Variants in POLQ observed in about 807,000 individuals in gnomAD.
POLQ encodes the protein DNA polymerase theta.
POLQ carries 233 observed loss-of-function variants against 259.2 expected under a neutral mutation model. The ratio of observed to expected loss-of-function variants is 0.90; its 90% CI spans 0.81 to 1.00. The LOEUF (loss-of-function observed/expected upper bound fraction) is 1.00, where lower values mean the gene tolerates loss of function less well. Among genes scored for constraint, POLQ ranks in the 50% least tolerant of loss-of-function variants. The pLI is 0.00. For missense variants in POLQ, 2,871 were observed against 3,051.6 expected, an observed-to-expected ratio of 0.94 and a Z score of 1.39; for synonymous variants, 1,025 against 1,048.8, an observed-to-expected ratio of 0.98 and a Z score of 0.44.
intron 6 of POLQ, among the ~76,000 whole-genome samples, chr3:121,530,512 C>T (rs2048403649): frequency 6.6e-6 from 1 of 151,930 alleles, no homozygotes; most frequent in Admixed American, 6.6e-5. Flanking sequence ...TAATATATAC[C>T]ATTAAAAGAG....
chr3:121,466,567 G>A (rs2047838558), intron 24 of POLQ, among the ~76,000 whole-genome samples: 1 of 151,710 alleles, frequency 6.6e-6, no homozygotes, highest in Admixed American at 6.6e-5. Context: ...GCCCATGCTT[G>A]TAATCCCAGC....
chr3:121,444,038 T>G (rs1020415575), intron 26 of POLQ, among the ~76,000 whole-genome samples: 8 of 152,190 alleles, frequency 5.3e-5, no homozygotes, highest in Non-Finnish European at 1.2e-4. Context: ...AGTTTTGTTC[T>G]TTTTGCACAG....
At position 121,451,831 on chromosome 3, in the gene POLQ, T is replaced by C. The variant is rs912585689; in HGVS notation, c.7153-2405A>G. Among the ~76,000 whole-genome samples, 10 of 152,342 alleles carry C rather than the reference T, an allele frequency of 6.6e-5. 1 individual carries two copies. Among genetic ancestry groups the C allele is most frequent in the Admixed American group, 1.3e-4 (2 of 15,302 alleles). On this transcript the variant is annotated intron_variant, in intron 25 of 29. Transcript: ENST00000264233. ...CTTCAAAGCTGTCCGATGGGACATT[T>C]AAGTCTGCAGAGGTTTCTGCTGCCT... is the stretch of plus-strand genomic sequence containing the variant.
chr3:121,514,337 A>G (rs1298016578), intron 9 of POLQ, among the ~76,000 whole-genome samples: 1 of 151,172 alleles, frequency 6.6e-6, no homozygotes, highest in Admixed American at 6.6e-5. Flanking sequence ...TATTAAAAAA[A>G]AAAACAACAA....
At chr3:121,486,446 C>T (rs1052488363) in intron 16 of POLQ, among the ~76,000 whole-genome samples, 4 of 152,034 alleles carry the variant, frequency 2.6e-5, no homozygotes, top group African/African-American at 9.7e-5. Context: ...CCCAGCTACT[C>T]AGGAGGCTGA....
At chr3:121,436,659 T>C (rs775701179) in intron 27 of POLQ, among the ~76,000 whole-genome samples, 1 of 152,082 alleles carries the variant, frequency 6.6e-6, no homozygotes, top group Non-Finnish European at 1.5e-5. Context: ...TAGAATATCA[T>C]TCTTTGGGAG....
At chr3:121,494,323 G>C (rs2048096628) in intron 14 of POLQ, 2 of 1,598,110 alleles carry the variant, frequency 1.3e-6, no homozygotes, top group South Asian at 2.2e-5. Context: ...TCCTCTATAA[G>C]CGGCTGAAAG....
chr3:121,440,219 C>T, intron 26 of POLQ, 103 bp from the exon 27 acceptor site: 2 of 788,570 alleles, frequency 2.5e-6, no homozygotes, highest in South Asian at 1.8e-5. Context: ...CACGATGATT[C>T]TTAACATTAA....
At chr3:121,512,618 A>G (rs1385419306) in intron 9 of POLQ, among the ~76,000 whole-genome samples, 3 of 152,204 alleles carry the variant, frequency 2.0e-5, no homozygotes, top group African/African-American at 7.2e-5. Context: ...CCTTTTCTAT[A>G]AAGGCTTCCA....
intron 25 of POLQ, among the ~76,000 whole-genome samples, chr3:121,455,475 T>C (rs1364053323): frequency 1.1e-3 from 159 of 147,970 alleles, no homozygotes; most frequent in African/African-American, 3.9e-3. Flanking sequence ...ACAAAATTGA[T>C]AGACTGCTAG....
chr3:121,541,306 A>G, intron 3 of POLQ, 43 bp downstream of exon 3: 1 of 1,484,276 alleles, frequency 6.7e-7, no homozygotes, highest in Non-Finnish European at 9.1e-7. Context: ...AAGACTGCCA[A>G]TAATGAGCCT....
rs2048259366 is a variant in POLQ at position 121,512,023 on chromosome 3, C to T, written c.1475G>A (p.Ser492Asn). 4.3e-6 allele frequency: 7 copies of T among 1,612,006 alleles called. No individual in the cohort carries two copies. The highest frequency in any genetic ancestry group is 1.3e-5 in the African/African-American group (1 of 74,800). The change falls in exon 10 of 30, where the codon AGT becomes AAT. Residue 492 changes from serine (S) to asparagine (N), a missense_variant. Physicochemically the swap from Ser to Asn is conservative, Grantham distance 46. Transcript: ENST00000264233. ...CTCAGAGTTCTTACAAATTAAGATA[C>T]TCTCGCCTATAACCAAAAGATACAC... is the stretch of plus-strand genomic sequence containing the variant. ...GRKGVDTVGE[S>N]ILICKNSEKS...
At chr3:121,494,819 G>A in intron 14 of POLQ, 1 of 1,541,596 alleles carries the variant, frequency 6.5e-7, no homozygotes. Context: ...CCGTCACTGG[G>A]GCGGCAACGT....
chr3:121,433,049 G>A lies in POLQ; in HGVS notation c.7544-16C>T. 7.3e-7 allele frequency: 1 copy of A among 1,371,794 alleles called. No individual in the cohort carries two copies. Among genetic ancestry groups the A allele is most frequent in the Non-Finnish European group, 1.0e-6 (1 of 959,290 alleles). The allele number at this position is 1,371,794 out of a possible 1,614,324, so 85.0% of individuals were successfully genotyped here. ...CGTGACAATCCTACTTCATGAAAAA[G>A]GAGCAAAACTGATCAGCATGTCGCT... On this transcript the variant is annotated splice_polypyrimidine_tract_variant and intron_variant, in intron 28 of 29. Coordinates refer to ENST00000264233, the MANE Select transcript of POLQ (RefSeq NM_199420.4).
intron 12 of POLQ, 58 bp from the exon 13 acceptor site, chr3:121,498,728 T>C (rs2108802835): frequency 8.5e-7 from 1 of 1,177,566 alleles, no homozygotes. Flanking sequence ...AAAACCATTA[T>C]ATACAACCTT....
rs1286175433 is a variant in POLQ at position 121,537,978 on chromosome 3, TACTG to T, written c.632-774_632-771del. 2.0e-5 allele frequency among the ~76,000 whole-genome samples: 3 copies of T among 152,192 alleles called. No homozygotes were observed. The East Asian group carries it at 5.8e-4, about 29-fold the overall frequency. ...TTACAGGCAGTCGTACTACAAGGTATACTGATCTAAAAATCAATTATTAGCTTAC... is the reference window on the plus strand; with the variant it reads ...TTACAGGCAGTCGTACTACAAGGTATATCTAAAAATCAATTATTAGCTTAC... On this transcript the variant is annotated intron_variant, in intron 4 of 29. Coordinates refer to ENST00000264233, the MANE Select transcript of POLQ (RefSeq NM_199420.4).
chr3:121,487,543 G>A lies in POLQ; in HGVS notation c.5388C>T (p.Asn1796=), dbSNP rs1385076923. 1.2e-6 allele frequency: 2 copies of A among 1,614,004 alleles called. No individual in the cohort carries two copies. The highest frequency in any genetic ancestry group is 2.2e-5 in the South Asian group (2 of 91,078). The change falls in exon 16 of 30, where the codon AAC becomes AAT. Residue 1796 remains asparagine, a synonymous_variant. Transcript: ENST00000264233. The part of the protein sequence containing the change: ...SPGSRNGFKD[N]SPISDTSFSL... ...AAAAGCTTGTGTCACTAATAGGGCT[G>A]TTGTCTTTGAACCCATTTCTACTCC...
At chr3:121,473,852 G>A (rs1171043622) in intron 20 of POLQ, among the ~76,000 whole-genome samples, 3 of 147,260 alleles carry the variant, frequency 2.0e-5, no homozygotes, top group East Asian at 2.1e-4. Flanking sequence ...TCAGCCTCCC[G>A]AGTAGCTAGG....
chr3:121,531,050 G>T (rs1012315315), intron 6 of POLQ, among the ~76,000 whole-genome samples: 2 of 152,154 alleles, frequency 1.3e-5, no homozygotes, highest in African/African-American at 2.4e-5. Flanking sequence ...AGTTGGGCAT[G>T]GTGGCGCATG....
Sources: allele counts gnomAD v4.1 joint callset (sites outside exome capture counted in the v4.1 genomes callset), GRCh38; gene constraint gnomAD v4.1.1; transcripts MANE v1.5; gene names NCBI Gene and HGNC (gene_info 2026-07-23, HGNC 2026-07-21).